DNAH8: variants seen among roughly 807,000 people sequenced by gnomAD.
The protein encoded by DNAH8 is axonemal beta dynein heavy chain 8.
DNAH8 carries 382 observed loss-of-function variants against 562.1 expected under a neutral mutation model. The observed-to-expected ratio is 0.68, with a 90% CI of 0.63 to 0.74. The LOEUF (loss-of-function observed/expected upper bound fraction) is 0.74, where lower values mean the gene tolerates loss of function less well. Among genes scored for constraint, DNAH8 ranks in the 30% least tolerant of loss-of-function variants. The probability of loss-of-function intolerance (pLI) is 0.00; values close to 1 mark genes in which losing one functional copy is unlikely to be tolerated. For missense variants in DNAH8, 5,203 were observed against 5,620.4 expected (o/e 0.93, Z 2.37); for synonymous variants, 1,881 against 1,919.4 (o/e 0.98, Z 0.52).
Position 38,848,714 on chromosome 6 carries a change from A to C in DNAH8, c.5112A>C (p.Ile1704=). 6.2e-7 allele frequency: 1 copy of C among 1,612,380 alleles called. No homozygotes were observed. The highest frequency in any genetic ancestry group is 1.3e-5 in the African/African-American group (1 of 74,998). ...WVYKLSTSSD[I]IEEWLVVQNL... is the part of the protein sequence containing the mutation. Reference sequence around the variant, plus strand: ...ATAAATTGTCCACTTCCTCAGATATAATTGAAGAGTGGCTCGTAGTACAGA... The same window carrying C: ...ATAAATTGTCCACTTCCTCAGATATCATTGAAGAGTGGCTCGTAGTACAGA... Residue 1704 remains isoleucine (I), a synonymous_variant, in exon 37 of 93, where the codon ATA becomes ATC. Coordinates refer to ENST00000327475, the MANE Select transcript of DNAH8 (RefSeq NM_001206927.2).
At chr6:38,762,793 A>G (rs1766646502) in intron 11 of DNAH8, 1 of 171,534 alleles carries the variant, frequency 5.8e-6, no homozygotes, top group African/African-American at 2.4e-5. Context: ...AAAGTGGCCC[A>G]GTGCCCTCCA....
chr6:38,871,721 C>T (rs376242828), intron 49 of DNAH8, among the ~76,000 whole-genome samples: 2 of 152,122 alleles, frequency 1.3e-5, no homozygotes, highest in Admixed American at 6.6e-5. Context: ...ACCATTTCCA[C>T]GTGCCCCTGC....
rs746039732 is a variant in DNAH8 at position 38,911,603 on chromosome 6, G to A, written c.9859+17G>A. The A allele has an allele frequency of 2.1e-6, 3 of 1,457,110 alleles. No individual in the cohort carries two copies. The highest frequency in any genetic ancestry group is 2.9e-6 in the Non-Finnish European group (3 of 1,039,158). 90.3% of individuals were successfully genotyped at this position (1,457,110 alleles called of 1,614,324 possible). A position where few individuals can be genotyped will look rare whatever the true frequency, so the allele number is the denominator to read the frequency against. ...TGAATATTGGTAAGAGGAATGGAATGGAATGGGATGGAATAGAAATAGGGT... is the reference window on the plus strand; with the variant it reads ...TGAATATTGGTAAGAGGAATGGAATAGAATGGGATGGAATAGAAATAGGGT... On this transcript the variant is annotated intron_variant, in intron 66 of 92. Coordinates refer to ENST00000327475, the MANE Select transcript of DNAH8 (RefSeq NM_001206927.2).
chr6:38,828,177 C>G lies in DNAH8; in HGVS notation c.4084-7C>G. ...TGATATTTCTAAACTCCACCTTCATCCTGCAGGAAGCCTATGCTATTTTAA... is the reference window on the plus strand; with the variant it reads ...TGATATTTCTAAACTCCACCTTCATGCTGCAGGAAGCCTATGCTATTTTAA... On this transcript the variant is annotated splice_polypyrimidine_tract_variant and splice_region_variant and intron_variant, in intron 29 of 92. Transcript: ENST00000327475. 1 of 1,569,942 alleles carries G rather than the reference C, an allele frequency of 6.4e-7. No homozygotes were observed. Among genetic ancestry groups the G allele is most frequent in the Non-Finnish European group, 8.7e-7 (1 of 1,154,864 alleles).
chr6:38,843,042 G>T, intron 35 of DNAH8, 139 bp downstream of exon 35: 2 of 712,688 alleles, frequency 2.8e-6, no homozygotes, highest in Non-Finnish European at 4.5e-6. Flanking sequence ...GAATGATCCT[G>T]AACATTCTTG....
rs1180571529 is a variant in DNAH8, at chr6:38,951,361, A to G, written c.12292A>G (p.Ile4098Val). 1 of 1,614,088 alleles carries G rather than the reference A, an allele frequency of 6.2e-7. No individual in the cohort carries two copies. Among genetic ancestry groups the G allele is most frequent in the Non-Finnish European group, 8.5e-7 (1 of 1,180,044 alleles). The change falls in exon 82 of 93, where the codon ATT (isoleucine) becomes GTT (valine). Residue 4098 changes from isoleucine (I) to valine (V), a missense_variant. Coordinates refer to ENST00000327475, the MANE Select transcript of DNAH8 (RefSeq NM_001206927.2). ...DRTVFQARKY[I>V]ADSLEEKYTE... The stretch of plus-strand genomic sequence containing the variant: ...TACTGTTTTTCAAGCAAGAAAGTAT[A>G]TTGCAGATTCTTTGGAGGAGAAGTA...
chr6:38,765,909 T>TC (rs1487139854), intron 11 of DNAH8, among the ~76,000 whole-genome samples: 2 of 152,130 alleles, frequency 1.3e-5, no homozygotes, highest in Admixed American at 1.3e-4. Context: ...GTATAGAGGT[T>TC]CCCCCCAATA....
chr6:38,790,446 C>G, intron 20 of DNAH8, 41 bp downstream of exon 20: 6 of 943,954 alleles, frequency 6.4e-6, no homozygotes, highest in Non-Finnish European at 8.3e-6. Flanking sequence ...CATATATACT[C>G]AGGATATAAG....
At chr6:38,926,982 T>C (rs938369242) in intron 74 of DNAH8, among the ~76,000 whole-genome samples, 2 of 152,244 alleles carry the variant, frequency 1.3e-5, no homozygotes, top group African/African-American at 4.8e-5. Context: ...ACTTAAATTA[T>C]TGTTCTTTGC....
intron 21 of DNAH8, among the ~76,000 whole-genome samples, chr6:38,799,047 C>G (rs947162781): frequency 2.0e-5 from 3 of 152,132 alleles, no homozygotes; most frequent in African/African-American, 7.2e-5. Context: ...TTAAACCCAA[C>G]TGGAAGTCAG....
chr6:38,809,473 G>A lies in DNAH8; in HGVS notation c.3257+1757G>A, dbSNP rs747825879. On this transcript the variant is annotated intron_variant, in intron 24 of 92. Coordinates refer to ENST00000327475, the MANE Select transcript of DNAH8 (RefSeq NM_001206927.2). ...TCCATATGGTTAATTAGTTGACCAA[G>A]CAAAAGTTGTTGAAAAATCAACTTA... 2.5e-4 allele frequency among the ~76,000 whole-genome samples: 38 copies of A among 152,282 alleles called. No homozygotes were observed. The Middle Eastern group carries it at 0.01, about 41-fold the overall frequency.
intron 21 of DNAH8, among the ~76,000 whole-genome samples, chr6:38,797,889 C>T (rs941966788): frequency 6.6e-6 from 1 of 151,984 alleles, no homozygotes; most frequent in Admixed American, 6.6e-5. Context: ...TTCTCTTAGT[C>T]GGTGTCTCCA....
chr6:38,966,491 T>G, intron 82 of DNAH8, among the ~76,000 whole-genome samples: 1 of 152,166 alleles, frequency 6.6e-6, no homozygotes, highest in Admixed American at 6.5e-5. Context: ...CTGAGACCAG[T>G]ATTACCATGA....
chr6:38,911,371 A>T (rs1780880327), intron 65 of DNAH8, 97 bp from the exon 66 acceptor site: 5 of 892,426 alleles, frequency 5.6e-6, no homozygotes, highest in Non-Finnish European at 9.3e-6. Flanking sequence ...CTAGTGAATC[A>T]CTCTACATGA....
intron 13 of DNAH8, among the ~76,000 whole-genome samples, chr6:38,776,605 G>T (rs1768103857): frequency 6.6e-6 from 1 of 151,544 alleles, no homozygotes; most frequent in South Asian, 2.1e-4. Context: ...TTTATCAAGT[G>T]TGATGAGATT....
chr6:38,722,850 C>G lies in DNAH8; in HGVS notation c.41C>G (p.Ala14Gly). 6.2e-7 allele frequency: 1 copy of G among 1,608,844 alleles called. No individual in the cohort carries two copies. The highest frequency in any genetic ancestry group is 8.5e-7 in the Non-Finnish European group (1 of 1,177,666). Residue 14 changes from alanine (A) to glycine (G), a missense_variant, in exon 2 of 93, where the codon GCA becomes GGA. Coordinates refer to ENST00000327475, the MANE Select transcript of DNAH8 (RefSeq NM_001206927.2). ...DAEDGAPSEG[A>G]EAPPSTEEAA... ...GAAGATGGCGCCCCTTCTGAGGGAG[C>G]AGAGGCTCCTCCCTCTACGGAAGAG... is the stretch of plus-strand genomic sequence containing the variant.
chr6:38,737,965 T>A lies in DNAH8; in HGVS notation c.1109T>A (p.Ile370Asn). ...EEVLMVWYKQ[I>N]EQVLIESEQM... is the part of the protein sequence containing the mutation. ...GTGCTGATGGTATGGTACAAACAGATCGAACAGGTGAATTGACTCAAACAA... is the reference window on the plus strand; with the variant it reads ...GTGCTGATGGTATGGTACAAACAGAACGAACAGGTGAATTGACTCAAACAA... Residue 370 changes from isoleucine (I) to asparagine (N), a missense_variant, in exon 7 of 93, where the codon ATC (isoleucine) becomes AAC (asparagine). Ile to Asn is a moderately radical substitution (Grantham distance 149, BLOSUM62 -3). Around this residue, in one of 6 missense-constraint regions of DNAH8, gnomAD observed 556 missense variants for 496.9 expected, o/e 1.12. Transcript: ENST00000327475. 1 of 1,610,562 alleles carries A rather than the reference T, an allele frequency of 6.2e-7. No homozygotes were observed. Among genetic ancestry groups the A allele is most frequent in the Non-Finnish European group, 8.5e-7 (1 of 1,178,362 alleles).
chr6:38,748,261 A>G (rs575830191), intron 8 of DNAH8, among the ~76,000 whole-genome samples: 7 of 152,328 alleles, frequency 4.6e-5, no homozygotes, highest in African/African-American at 1.7e-4. Flanking sequence ...TGTATTAAAA[A>G]TATTAATCTC....
At chr6:38,715,952 A>ATTTTTTTTT (rs1562521236) in intron 1 of DNAH8, among the ~76,000 whole-genome samples, 19 of 25,688 alleles carry the variant, frequency 7.4e-4, no homozygotes, top group East Asian at 1.4e-3. Context: ...ATATATATAT[A>ATTTTTTTTT]TATATATATT....
Sources: allele counts gnomAD v4.1 joint callset (sites outside exome capture counted in the v4.1 genomes callset), GRCh38; gene constraint gnomAD v4.1.1; regional missense constraint gnomAD v4.1.1; transcripts MANE v1.5; gene names NCBI Gene and HGNC (gene_info 2026-07-23, HGNC 2026-07-21).